Variants in RAD51B observed in about 807,000 individuals in gnomAD.
RAD51B encodes the protein RAD51 paralog B.
RAD51B carries 38 observed loss-of-function variants against 42.2 expected under a neutral mutation model. The ratio of observed to expected loss-of-function variants is 0.90; its 90% CI spans 0.70 to 1.18. The LOEUF (loss-of-function observed/expected upper bound fraction) is 1.18, where lower values mean the gene tolerates loss of function less well. RAD51B is among the 50% of genes most tolerant of loss of function. The pLI, the probability that RAD51B is intolerant of heterozygous loss-of-function variation, is 0.00. For missense variants in RAD51B, 373 were observed against 400.7 expected (o/e 0.93, Z 0.59); for synonymous variants, 154 against 145.2 (o/e 1.06, Z -0.43).
intron 7 of RAD51B, among the ~76,000 whole-genome samples, chr14:68,084,913 T>C (rs957479442): frequency 3.9e-5 from 6 of 152,188 alleles, no homozygotes; most frequent in Admixed American, 3.9e-4. Context: ...AGCTATAACA[T>C]TGGTGAGAAA....
At chr14:68,232,484 A>T (rs913979680) in intron 7 of RAD51B, among the ~76,000 whole-genome samples, 2 of 152,242 alleles carry the variant, frequency 1.3e-5, no homozygotes, top group African/African-American at 2.4e-5. Context: ...TGCTAGGTGC[A>T]TTGCATACAC....
chr14:68,498,902 G>A (rs1360399969), intron 10 of RAD51B, among the ~76,000 whole-genome samples: 1 of 152,206 alleles, frequency 6.6e-6, no homozygotes, highest in Non-Finnish European at 1.5e-5. Context: ...GCAGGGGACT[G>A]GGAACCCCTG....
chr14:68,091,574 G>A (rs1479159142), intron 7 of RAD51B, among the ~76,000 whole-genome samples: 1 of 152,134 alleles, frequency 6.6e-6, no homozygotes, highest in Non-Finnish European at 1.5e-5. Flanking sequence ...ATTTGTTTGA[G>A]TTCATTGTAG....
At chr14:68,347,703 C>A (rs147196598) in intron 8 of RAD51B, among the ~76,000 whole-genome samples, 1 of 152,088 alleles carries the variant, frequency 6.6e-6, no homozygotes, top group Non-Finnish European at 1.5e-5. Context: ...GAAACAGGCC[C>A]GTGAACAGCA....
intron 8 of RAD51B, among the ~76,000 whole-genome samples, chr14:68,296,935 C>T (rs1195104564): frequency 6.6e-6 from 1 of 152,190 alleles, no homozygotes; most frequent in Non-Finnish European, 1.5e-5. Context: ...AGAGAAATAG[C>T]AGCACTTCCT....
Position 68,422,154 on chromosome 14 carries a change from C to T in RAD51B, c.957+10627C>T, listed in dbSNP as rs1023286261. ...TCGAAGGAGACATGGCCCAAGGGCT[C>T]GCTGTCGACGGCAAATTCAAAGAAC... On this transcript the variant is annotated intron_variant, in intron 9 of 10. Coordinates refer to ENST00000471583, the MANE Select transcript of RAD51B (RefSeq NM_133510.4). 1.0e-4 allele frequency: 134 copies of T among 1,326,372 alleles called. 1 individual carries two copies. Among genetic ancestry groups the T allele is most frequent in the Admixed American group, 1.7e-4 (10 of 59,500 alleles). 82.2% of individuals were successfully genotyped at this position (1,326,372 alleles called of 1,614,324 possible).
chr14:68,241,366 C>T (rs1412535242), intron 7 of RAD51B, among the ~76,000 whole-genome samples: 1 of 152,154 alleles, frequency 6.6e-6, no homozygotes, highest in Non-Finnish European at 1.5e-5. Flanking sequence ...CATGGTGGAA[C>T]ACCATCTCTA....
At chr14:68,120,003 T>C (rs1216630085) in intron 7 of RAD51B, among the ~76,000 whole-genome samples, 1 of 151,718 alleles carries the variant, frequency 6.6e-6, no homozygotes, top group Non-Finnish European at 1.5e-5. Flanking sequence ...TTTTTAATGA[T>C]TGTCATTCTA....
At chr14:68,477,262 C>G (rs995437621) in intron 10 of RAD51B, among the ~76,000 whole-genome samples, 1 of 152,202 alleles carries the variant, frequency 6.6e-6, no homozygotes. Flanking sequence ...AGATATAGCA[C>G]AAAACATCTA....
At chr14:68,270,404 A>G (rs2081082675) in intron 7 of RAD51B, among the ~76,000 whole-genome samples, 1 of 152,026 alleles carries the variant, frequency 6.6e-6, no homozygotes, top group Non-Finnish European at 1.5e-5. Context: ...TTCTTTTTTT[A>G]TTTGGATGAA....
intron 7 of RAD51B, among the ~76,000 whole-genome samples, chr14:68,188,764 T>C (rs1217163768): frequency 6.6e-6 from 1 of 152,198 alleles, no homozygotes; most frequent in Admixed American, 6.5e-5. Flanking sequence ...TTTGACTTCT[T>C]CTCTAAAGAA....
At chr14:68,274,600 C>A (rs1366551632) in intron 7 of RAD51B, among the ~76,000 whole-genome samples, 3 of 152,058 alleles carry the variant, frequency 2.0e-5, no homozygotes, top group Non-Finnish European at 4.4e-5. Context: ...GTTGTTATAT[C>A]CTTTTACTTT....
chr14:68,546,888 T>C (rs1481898639), intron 10 of RAD51B, among the ~76,000 whole-genome samples: 2 of 152,200 alleles, frequency 1.3e-5, no homozygotes, highest in Non-Finnish European at 2.9e-5. Context: ...TGGCAAACTC[T>C]TGGCAATTCT....
At chr14:68,126,603 AG>A (rs777539298) in intron 7 of RAD51B, among the ~76,000 whole-genome samples, 10 of 152,190 alleles carry the variant, frequency 6.6e-5, no homozygotes, top group Non-Finnish European at 1.3e-4. Context: ...ACTTGACAGC[AG>A]AGGTGCTTTT....
intron 7 of RAD51B, among the ~76,000 whole-genome samples, chr14:68,089,978 G>A (rs1391808757): frequency 6.6e-6 from 1 of 151,996 alleles, no homozygotes; most frequent in African/African-American, 2.4e-5. Context: ...ATAAAGTTTA[G>A]GAAAGTAAGC....
At chr14:67,952,752 A>G (rs1001729602) in intron 7 of RAD51B, among the ~76,000 whole-genome samples, 1 of 152,122 alleles carries the variant, frequency 6.6e-6, no homozygotes, top group Non-Finnish European at 1.5e-5. Flanking sequence ...AAGAAATAGA[A>G]CTAGTTGAAA....
intron 7 of RAD51B, among the ~76,000 whole-genome samples, chr14:68,217,530 G>A (rs1394604831): frequency 6.6e-6 from 1 of 152,160 alleles, no homozygotes; most frequent in Non-Finnish European, 1.5e-5. Flanking sequence ...ACTGAGAGTT[G>A]AGTTCTTTAC....
chr14:68,013,965 C>T (rs2075731332), intron 7 of RAD51B, among the ~76,000 whole-genome samples: 1 of 152,126 alleles, frequency 6.6e-6, no homozygotes, highest in South Asian at 2.1e-4. Flanking sequence ...GACTGACTGA[C>T]CAAACTTGAT....
intron 7 of RAD51B, among the ~76,000 whole-genome samples, chr14:68,264,181 G>A (rs2080940720): frequency 6.6e-6 from 1 of 152,206 alleles, no homozygotes; most frequent in Non-Finnish European, 1.5e-5. Context: ...TGTTTATTCA[G>A]GACTATGGCT....
Sources: allele counts gnomAD v4.1 joint callset (sites outside exome capture counted in the v4.1 genomes callset), GRCh38; gene constraint gnomAD v4.1.1; transcripts MANE v1.5; gene names NCBI Gene and HGNC (gene_info 2026-07-23, HGNC 2026-07-21).